Variants in CRAT observed in about 807,000 individuals in gnomAD.
CRAT encodes carnitine acetylase.
In CRAT, 66 loss-of-function variants were observed where a neutral mutation model predicts 73.7. The ratio of observed to expected loss-of-function variants is 0.90; its 90% confidence interval spans 0.73 to 1.10. The LOEUF (loss-of-function observed/expected upper bound fraction) is 1.10, where lower values mean the gene tolerates loss of function less well. CRAT is among the 50% of genes least tolerant of loss of function. CRAT has a pLI of 0.00. For synonymous variants in CRAT, 321 were observed against 343.2 expected (o/e 0.94, Z 0.71); for missense variants, 745 against 846.9 (o/e 0.88, Z 1.49).
At position 129,102,127 on chromosome 9, in the gene CRAT, C is replaced by G. The variant is rs1052243839; in HGVS notation, c.631-70G>C. The G allele has an allele frequency of 2.0e-6, 3 of 1,517,294 alleles. No homozygotes were observed. In the African/African-American group the frequency reaches 4.1e-5, roughly 21 times the overall value. The allele number at this position is 1,517,294 out of a possible 1,614,324, so 94.0% of individuals were successfully genotyped here. A position where few individuals can be genotyped will look rare whatever the true frequency, so the allele number is the denominator to read the frequency against. On this transcript the variant is annotated intron_variant, in intron 5 of 13. Transcript: ENST00000318080. ...CTCAGGCTGAGAGCAGCCACCTCCC[C>G]ACACCTGCCTCCTCCTGGCCTTGGC...
At chr9:129,099,038 G>A (rs1167033328) in intron 8 of CRAT, among the ~76,000 whole-genome samples, 2 of 150,914 alleles carry the variant, frequency 1.3e-5, no homozygotes, top group Non-Finnish European at 1.5e-5. Flanking sequence ...GCAATGGAAC[G>A]ATCTCGGCTC....
rs1230110400 is a variant in CRAT, at chr9:129,108,003, T to C, written c.102A>G (p.Ala34=). ...GAGGGGGCACGGGCAGCCGTGGCAG[T>C]GCATCCTGGTGTGCCTTGAAGCGGC... ...ASSRFKAHQD[A]LPRLPVPPLQ... is the part of the protein sequence containing the mutation. Residue 34 remains alanine (A), a synonymous_variant, in exon 2 of 14, where the codon GCA becomes GCG. Coordinates refer to ENST00000318080, the MANE Select transcript of CRAT (RefSeq NM_000755.5). 9 of 1,588,078 alleles carry C rather than the reference T, an allele frequency of 5.7e-6. 1 individual carries two copies. In the South Asian group the frequency reaches 9.1e-5, roughly 16 times the overall value.
rs1847853351 is a variant in CRAT at position 129,104,168 on chromosome 9, C to T, written c.410+20G>A. ...CGAGGGGCCCGGCTGCCTCCTGGCC[C>T]CCAAACCCCAGCCACTCACCGGAGC... On this transcript the variant is annotated intron_variant, in intron 3 of 13. Coordinates refer to ENST00000318080, the MANE Select transcript of CRAT (RefSeq NM_000755.5). 6.3e-7 allele frequency: 1 copy of T among 1,588,330 alleles called. No homozygotes were observed. Among genetic ancestry groups the T allele is most frequent in the Non-Finnish European group, 8.6e-7 (1 of 1,165,314 alleles).
In CRAT at chr9:129,103,892, G is replaced by A. The variant is rs1056975643; in HGVS notation, c.410+296C>T. ...GGAGAGGTGAAGTGCTAAAACTGGG[G>A]TCGGGGAGAAGCCTCAGGTATGGAG... is the stretch of plus-strand genomic sequence containing the variant. On this transcript the variant is annotated intron_variant, in intron 3 of 13. Coordinates refer to ENST00000318080, the MANE Select transcript of CRAT (RefSeq NM_000755.5). The surrounding 1 kb of genome is among the most constrained non-coding windows in gnomAD (Gnocchi z 4.6). Among the ~76,000 whole-genome samples the A allele has an allele frequency of 1.3e-5, 2 of 152,170 alleles. No individual in the cohort carries two copies. The highest frequency in any genetic ancestry group is 2.4e-5 in the African/African-American group (1 of 41,434).
Position 129,105,148 on chromosome 9 carries a change from T to G in CRAT, c.292-842A>C, listed in dbSNP as rs865834310. Reference sequence around the variant, plus strand: ...TCTCGATCTCCTGACCTCGTGATCCTCCCGCCTCGGCCTCCCAAAGTGCTG... The same window carrying G: ...TCTCGATCTCCTGACCTCGTGATCCGCCCGCCTCGGCCTCCCAAAGTGCTG... On this transcript the variant is annotated intron_variant, in intron 2 of 13. Coordinates refer to ENST00000318080, the MANE Select transcript of CRAT (RefSeq NM_000755.5). Among the ~76,000 whole-genome samples, 304 of 133,550 alleles carry G rather than the reference T, an allele frequency of 2.3e-3. No individual in the cohort carries two copies. In the Middle Eastern group the frequency reaches 0.039, roughly 17 times the overall value. The allele number at this position is 133,550 out of a possible 152,430, so 87.6% of individuals were successfully genotyped here.
intron 3 of CRAT, among the ~76,000 whole-genome samples, 164 bp downstream of exon 3, chr9:129,104,024 C>T (rs1451940563): frequency 3.3e-5 from 5 of 152,148 alleles, no homozygotes; most frequent in African/African-American, 7.2e-5. Context: ...TTCCCTGCTC[C>T]GAGCCTCAAT....
rs1224324524 is a variant in CRAT at position 129,106,848 on chromosome 9, A to G, written c.291+966T>C. Among the ~76,000 whole-genome samples the G allele has an allele frequency of 6.6e-6, 1 of 151,756 alleles. No individual in the cohort carries two copies. Among genetic ancestry groups the G allele is most frequent in the Non-Finnish European group, 1.5e-5 (1 of 67,886 alleles). On this transcript the variant is annotated intron_variant, in intron 2 of 13. Coordinates refer to ENST00000318080, the MANE Select transcript of CRAT (RefSeq NM_000755.5). The surrounding 1 kb of genome is among the most constrained non-coding windows in gnomAD (Gnocchi z 4.0). ...TCTCTCAGGCAACCCCGACTTGGCA[A>G]ATTCCACCCGTGCCCCCACCTCATT...
chr9:129,109,753 G>C (rs1224195287), intron 1 of CRAT, among the ~76,000 whole-genome samples: 1 of 152,180 alleles, frequency 6.6e-6, no homozygotes, highest in Non-Finnish European at 1.5e-5. Context: ...GTGTGTGTCT[G>C]AGACAGAGTG....
At chr9:129,108,973 C>A in intron 1 of CRAT, 1 of 1,231,824 alleles carries the variant, frequency 8.1e-7, no homozygotes, top group Non-Finnish European at 1.0e-6. Context: ...GTGGTGGAAT[C>A]GGGGGTTGTG....
rs1311436510 is a variant in CRAT at position 129,106,933 on chromosome 9, C to T, written c.291+881G>A. Among the ~76,000 whole-genome samples, 1 of 152,234 alleles carries T rather than the reference C, an allele frequency of 6.6e-6. No individual in the cohort carries two copies. Among genetic ancestry groups the T allele is most frequent in the Non-Finnish European group, 1.5e-5 (1 of 68,042 alleles). ...CTGGACCTAACGACTCTCCCTCTCTCCCATCCGGTGTCAGACCCAGGCTGC... is the reference window on the plus strand; with the variant it reads ...CTGGACCTAACGACTCTCCCTCTCTTCCATCCGGTGTCAGACCCAGGCTGC... On this transcript the variant is annotated intron_variant, in intron 2 of 13. Transcript: ENST00000318080. The surrounding 1 kb of genome is among the most constrained non-coding windows in gnomAD (Gnocchi z 4.0).
chr9:129,102,881 G>T, intron 4 of CRAT, 132 bp downstream of exon 4: 1 of 884,476 alleles, frequency 1.1e-6, no homozygotes, highest in Admixed American at 1.8e-5. Flanking sequence ...CCCACCAAGA[G>T]GAGATTCCAG....
intron 13 of CRAT, 110 bp from the exon 14 acceptor site, chr9:129,095,722 A>G: frequency 2.6e-6 from 3 of 1,174,914 alleles, no homozygotes; most frequent in South Asian, 2.9e-5. Flanking sequence ...GGCAGGGATC[A>G]TGGTCTGTCC....
In CRAT at chr9:129,110,124, C is replaced by T. The variant is rs564606221; in HGVS notation, c.27+359G>A. On this transcript the variant is annotated intron_variant, in intron 1 of 13. Coordinates refer to ENST00000318080, the MANE Select transcript of CRAT (RefSeq NM_000755.5). This position sits in a 1 kb window ranked among gnomAD's most constrained non-coding sequence, Gnocchi z 5.3. ...GAGTGGCTCTGGCCTAAGCGTGCGACGGGTGTGTCAATCGGAGAATAACTG... is the reference window on the plus strand; with the variant it reads ...GAGTGGCTCTGGCCTAAGCGTGCGATGGGTGTGTCAATCGGAGAATAACTG... 1.3e-5 allele frequency among the ~76,000 whole-genome samples: 2 copies of T among 152,182 alleles called. No homozygotes were observed. The highest frequency in any genetic ancestry group is 4.8e-5 in the African/African-American group (2 of 41,520).
At position 129,110,196 on chromosome 9, in the gene CRAT, G is replaced by A. The variant is rs1324101422; in HGVS notation, c.27+287C>T. Among the ~76,000 whole-genome samples the A allele has an allele frequency of 1.3e-5, 2 of 152,010 alleles. No homozygotes were observed. Among genetic ancestry groups the A allele is most frequent in the Non-Finnish European group, 2.9e-5 (2 of 67,996 alleles). On this transcript the variant is annotated intron_variant, in intron 1 of 13. Transcript: ENST00000318080. The surrounding 1 kb of genome is among the most constrained non-coding windows in gnomAD (Gnocchi z 5.3). ...ATGCTCCTGGTCTCTCTCCCCTACC[G>A]GCCTGTCTCTGGGTCTAAGGGTGGG...
chr9:129,102,958 G>A, intron 4 of CRAT, 55 bp downstream of exon 4: 1 of 1,504,150 alleles, frequency 6.6e-7, no homozygotes, highest in Non-Finnish European at 9.3e-7. Flanking sequence ...AGGTGGCTGT[G>A]GTAATTAAGC....
chr9:129,099,502 A>G (rs1342558966), intron 8 of CRAT, among the ~76,000 whole-genome samples: 3 of 141,230 alleles, frequency 2.1e-5, no homozygotes, highest in Non-Finnish European at 4.6e-5. Flanking sequence ...TCTCCGCTCA[A>G]CGCAACCTCT....
intron 12 of CRAT, 48 bp from the exon 13 acceptor site, chr9:129,096,183 G>C: frequency 6.2e-7 from 1 of 1,607,020 alleles, no homozygotes; most frequent in Non-Finnish European, 8.5e-7. Flanking sequence ...GGACCCCCGG[G>C]GTATCCCTGC....
In CRAT at chr9:129,100,747, G is replaced by A. The variant is rs1254067078; in HGVS notation, c.806-58C>T. ...TGGGGTCTCATGGTGTGGGAGAGAT[G>A]GACCAGCCCCTCCGCAGCCTCCTGC... On this transcript the variant is annotated intron_variant, in intron 6 of 13. Transcript: ENST00000318080. The A allele has an allele frequency of 1.9e-6, 3 of 1,547,380 alleles. No individual in the cohort carries two copies. In the African/African-American group the frequency reaches 4.1e-5, roughly 21 times the overall value.
rs1293079092 is a variant in CRAT, at chr9:129,095,470, A to AG, written c.1807dup (p.Leu603ProfsTer28). The AG allele has an allele frequency of 6.2e-7, 1 of 1,613,456 alleles. No homozygotes were observed. The highest frequency in any genetic ancestry group is 2.2e-5 in the East Asian group (1 of 44,886). ...GAGCGCCTTCTCCAGGTAATGCGCC[A>AG]GGCGGGCGGCGTTGGTCTCCGCGCA... On this transcript the variant is annotated frameshift_variant, in exon 14 of 14. Coordinates refer to ENST00000318080, the MANE Select transcript of CRAT (RefSeq NM_000755.5). LOFTEE classifies it high-confidence loss of function.
Sources: gnomAD v4.1 joint callset for allele counts (sites outside exome capture counted in the v4.1 genomes callset) on GRCh38, gnomAD v4.1.1 for gene constraint, Gnocchi (gnomAD v3.1) non-coding constraint, MANE v1.5 for transcripts, NCBI Gene and HGNC (gene_info 2026-07-23, HGNC 2026-07-21) for gene names.